LRMDA: variants seen among roughly 807,000 people sequenced by gnomAD.
The protein encoded by LRMDA is leucine-rich melanocyte differentiation-associated protein.
A neutral mutation model predicts 29.8 loss-of-function variants in LRMDA; 18 were observed. That is an observed-to-expected ratio of 0.60 (90% CI 0.42 to 0.90). The LOEUF (loss-of-function observed/expected upper bound fraction) is 0.90, where lower values mean the gene tolerates loss of function less well. LRMDA is among the 40% of genes least tolerant of loss of function. The pLI is 0.00. For synonymous variants in LRMDA, 125 were observed against 109.4 expected, an observed-to-expected ratio of 1.14 and a Z score of -0.89; for missense variants, 273 against 273.9, an observed-to-expected ratio of 1.00 and a Z score of 0.02.
intron 2 of LRMDA, among the ~76,000 whole-genome samples, chr10:75,786,971 C>T (rs947611848): frequency 2.6e-5 from 4 of 152,210 alleles, no homozygotes; most frequent in Admixed American, 6.5e-5. Flanking sequence ...ATTGATTTTA[C>T]AGTGTGTCAC....
At chr10:76,289,120 A>G (rs1840307695) in intron 5 of LRMDA, among the ~76,000 whole-genome samples, 1 of 152,190 alleles carries the variant, frequency 6.6e-6, no homozygotes. Flanking sequence ...TTTGCATAAG[A>G]TTAGAGAACA....
chr10:76,223,765 C>G (rs369611434), intron 5 of LRMDA, among the ~76,000 whole-genome samples: 39 of 152,244 alleles, frequency 2.6e-4, no homozygotes, highest in East Asian at 2.1e-3. Context: ...CCTATTGTTT[C>G]AGCCACCCAG....
Position 75,823,884 on chromosome 10 carries a change from C to G in LRMDA, c.132-212124C>G, listed in dbSNP as rs532888985. Among the ~76,000 whole-genome samples the G allele has an allele frequency of 6.6e-5, 10 of 152,194 alleles. No individual in the cohort carries two copies. In the South Asian group the frequency reaches 2.1e-3, roughly 32 times the overall value. On this transcript the variant is annotated intron_variant, in intron 2 of 6. Coordinates refer to ENST00000611255, the MANE Select transcript of LRMDA (RefSeq NM_001305581.2). Reference sequence around the variant, plus strand: ...ATCCATTATCCTTAGTGAAATGACTCAGAAACAGAAAATCAAAAACCACAT... The same window carrying G: ...ATCCATTATCCTTAGTGAAATGACTGAGAAACAGAAAATCAAAAACCACAT...
intron 2 of LRMDA, among the ~76,000 whole-genome samples, chr10:75,677,348 G>T (rs754176435): frequency 1.3e-5 from 2 of 150,212 alleles, no homozygotes; most frequent in Non-Finnish European, 3.0e-5. Context: ...GTTGGGGAGA[G>T]AATTTTTGTG....
chr10:76,206,205 T>C (rs115847183), intron 5 of LRMDA, among the ~76,000 whole-genome samples: 5,404 of 152,232 alleles, frequency 0.035, 330 homozygotes, highest in African/African-American at 0.12. Context: ...AACCGTTCTA[T>C]CCACCCTGAC....
chr10:76,063,495 G>A (rs1421394693), intron 5 of LRMDA, among the ~76,000 whole-genome samples: 1 of 152,004 alleles, frequency 6.6e-6, no homozygotes, highest in East Asian at 1.9e-4. Flanking sequence ...GTGTATTTGT[G>A]TAGTTTGTTG....
intron 2 of LRMDA, among the ~76,000 whole-genome samples, chr10:75,822,563 T>C (rs182754779): frequency 3.7e-4 from 56 of 152,270 alleles, no homozygotes; most frequent in African/African-American, 9.9e-4. Context: ...CTTCAAATTA[T>C]ACTACAAGGC....
intron 6 of LRMDA, among the ~76,000 whole-genome samples, chr10:76,536,795 A>G (rs1344142730): frequency 7.2e-5 from 11 of 152,132 alleles, no homozygotes; most frequent in Admixed American, 5.2e-4. Flanking sequence ...TCTAAAGGCT[A>G]TGTTCCCCTT....
At position 75,615,372 on chromosome 10, in the gene LRMDA, A is replaced by G. The variant is rs74637585; in HGVS notation, c.131+176878A>G. Among the ~76,000 whole-genome samples the G allele has an allele frequency of 2.5e-3, 379 of 152,330 alleles. 5 individuals carry two copies. The highest frequency in any genetic ancestry group is 9.0e-3 in the African/African-American group (374 of 41,574). ...TTTGATTTTGGAATGTTTGCATTAT[A>G]CTTACCAGTTGAGCATCCCTAATGT... On this transcript the variant is annotated intron_variant, in intron 2 of 6. Coordinates refer to ENST00000611255, the MANE Select transcript of LRMDA (RefSeq NM_001305581.2).
intron 6 of LRMDA, among the ~76,000 whole-genome samples, chr10:76,400,572 G>A (rs1841837499): frequency 6.6e-6 from 1 of 152,174 alleles, no homozygotes; most frequent in Non-Finnish European, 1.5e-5. Context: ...TATTCAAGCT[G>A]TTTTCCAATT....
chr10:75,546,967 G>A lies in LRMDA; in HGVS notation c.131+108473G>A, dbSNP rs575092971. On this transcript the variant is annotated intron_variant, in intron 2 of 6. Transcript: ENST00000611255. ...ACTTAGGTTTAGATGGTTTGGGAAAGTGGTGGAGCTAGGATTGGCTCCAAA... is the reference window on the plus strand; with the variant it reads ...ACTTAGGTTTAGATGGTTTGGGAAAATGGTGGAGCTAGGATTGGCTCCAAA... 4.6e-5 allele frequency among the ~76,000 whole-genome samples: 7 copies of A among 152,296 alleles called. 1 individual carries two copies. In the South Asian group the frequency reaches 1.5e-3, roughly 32 times the overall value.
At chr10:75,813,261 G>A (rs1843996167) in intron 2 of LRMDA, among the ~76,000 whole-genome samples, 1 of 152,182 alleles carries the variant, frequency 6.6e-6, no homozygotes, top group African/African-American at 2.4e-5. Context: ...AGCCCTGGGA[G>A]GTCACTGCTT....
intron 2 of LRMDA, among the ~76,000 whole-genome samples, chr10:75,849,432 A>G (rs1208434246): frequency 3.9e-5 from 6 of 152,086 alleles, no homozygotes; most frequent in African/African-American, 1.4e-4. Context: ...CATAAAAAGG[A>G]ATGAGATCAT....
chr10:76,054,540 G>T (rs557088217), intron 4 of LRMDA, among the ~76,000 whole-genome samples: 1 of 151,826 alleles, frequency 6.6e-6, no homozygotes. Context: ...CCCCGTGAAG[G>T]CATCCTTCAC....
At chr10:76,462,786 G>A (rs775034666) in intron 6 of LRMDA, among the ~76,000 whole-genome samples, 1 of 152,174 alleles carries the variant, frequency 6.6e-6, no homozygotes, top group Non-Finnish European at 1.5e-5. Flanking sequence ...TGGACAACTG[G>A]GAAAGCACAC....
chr10:76,347,363 G>A (rs1841121465), intron 6 of LRMDA, among the ~76,000 whole-genome samples: 1 of 152,132 alleles, frequency 6.6e-6, no homozygotes, highest in Non-Finnish European at 1.5e-5. Context: ...CAGAATTTAG[G>A]TATACTACGC....
chr10:75,980,544 A>C (rs1041778453), intron 2 of LRMDA, among the ~76,000 whole-genome samples: 9 of 152,196 alleles, frequency 5.9e-5, no homozygotes, highest in Non-Finnish European at 1.0e-4. Context: ...TCTGTCATGC[A>C]GGTCAGCTTG....
intron 6 of LRMDA, among the ~76,000 whole-genome samples, chr10:76,526,886 C>T (rs1001104003): frequency 2.7e-5 from 4 of 149,232 alleles, no homozygotes; most frequent in East Asian, 2.0e-4. Context: ...TGCTAGATGA[C>T]GAGTTAGTGG....
At chr10:76,005,724 A>C (rs1847639877) in intron 2 of LRMDA, among the ~76,000 whole-genome samples, 1 of 152,160 alleles carries the variant, frequency 6.6e-6, no homozygotes, top group African/African-American at 2.4e-5. Flanking sequence ...AGGTCAGGAG[A>C]TCGAGATCAA....
Sources: gnomAD v4.1 joint callset for allele counts (sites outside exome capture counted in the v4.1 genomes callset) on GRCh38, gnomAD v4.1.1 for gene constraint, MANE v1.5 for transcripts, NCBI Gene and HGNC (gene_info 2026-07-23, HGNC 2026-07-21) for gene names.